Variants in RHOU observed in about 807,000 individuals in gnomAD.
RHOU encodes the protein ras homolog family member U, also known as rho-related GTP-binding protein RhoU.
In RHOU, 8 loss-of-function variants were observed where a neutral mutation model predicts 12.6. That is an observed-to-expected ratio of 0.64 (90% CI 0.37 to 1.15). The LOEUF is 1.15. Ranked by LOEUF, RHOU falls within the 50% of genes most tolerant of loss-of-function variation. The pLI is 0.01. For missense variants in RHOU, 258 were observed against 347.0 expected (o/e 0.74, Z 2.04); for synonymous variants, 161 against 147.4 (o/e 1.09, Z -0.67).
chr1:228,646,762 T>C, the RHOU span, among the ~76,000 whole-genome samples: 1 of 151,920 alleles, frequency 6.6e-6, no homozygotes, highest in African/African-American at 2.4e-5. Context: ...CCGTTCGTTC[T>C]CGTTCCGGAA....
rs1415254081 is a variant in RHOU, at chr1:228,743,860, T to C, written c.*120T>C. ...ATCGAGAGTGTGTGTATATGTATTATAGGAGGAGCTCTCAATTTTATGTAT... is the reference window on the plus strand; with the variant it reads ...ATCGAGAGTGTGTGTATATGTATTACAGGAGGAGCTCTCAATTTTATGTAT... On this transcript the variant is annotated 3_prime_UTR_variant, in exon 3 of 3. Transcript: ENST00000366691. This position sits in a 1 kb window ranked among gnomAD's most constrained non-coding sequence, Gnocchi z 5.1. 1.2e-6 allele frequency: 1 copy of C among 809,146 alleles called. No homozygotes were observed. Among genetic ancestry groups the C allele is most frequent in the Non-Finnish European group, 1.9e-6 (1 of 524,254 alleles). 50.1% of individuals were successfully genotyped at this position (809,146 alleles called of 1,614,324 possible).
the RHOU span, among the ~76,000 whole-genome samples, chr1:228,697,187 A>T: frequency 2.0e-5 from 3 of 152,366 alleles, no homozygotes; most frequent in East Asian, 5.8e-4. Context: ...TTCAAGAGAC[A>T]TGGCAACTGC....
the RHOU span, among the ~76,000 whole-genome samples, chr1:228,647,430 C>T: frequency 6.6e-6 from 1 of 152,140 alleles, no homozygotes; most frequent in Non-Finnish European, 1.5e-5. Flanking sequence ...ACACGAAGTG[C>T]GGGGCAATAG....
At chr1:228,718,825 A>G in the RHOU span, among the ~76,000 whole-genome samples, 4 of 152,158 alleles carry the variant, frequency 2.6e-5, no homozygotes, top group Admixed American at 2.6e-4. Flanking sequence ...TGAACTGGGA[A>G]TGTCCACTGC....
chr1:228,651,127 AC>A, the RHOU span: 11 of 214,376 alleles, frequency 5.1e-5, no homozygotes, highest in Admixed American at 1.5e-4. Context: ...GCATGATCTC[AC>A]CCAGCTTTGG....
chr1:228,703,546 A>G, the RHOU span, among the ~76,000 whole-genome samples: 1 of 150,834 alleles, frequency 6.6e-6, no homozygotes, highest in Admixed American at 6.6e-5. Flanking sequence ...AAAGTGTTTT[A>G]AGATAGCCAG....
At chr1:228,659,370 C>T in the RHOU span, among the ~76,000 whole-genome samples, 2 of 151,794 alleles carry the variant, frequency 1.3e-5, no homozygotes. Flanking sequence ...AAGAGTGAAA[C>T]TCCATCTCAA....
the RHOU span, among the ~76,000 whole-genome samples, chr1:228,714,897 C>A: frequency 6.6e-6 from 1 of 151,786 alleles, no homozygotes; most frequent in African/African-American, 2.4e-5. Flanking sequence ...GCACATGCCA[C>A]CACACCTGGC....
At chr1:228,725,501 G>A in the RHOU span, among the ~76,000 whole-genome samples, 2 of 152,126 alleles carry the variant, frequency 1.3e-5, no homozygotes, top group Admixed American at 1.3e-4. Context: ...GTGGCTCACA[G>A]AGCCCATTAG....
chr1:228,650,901 A>G, the RHOU span: 1 of 376,604 alleles, frequency 2.7e-6, no homozygotes, highest in African/African-American at 2.2e-5. Flanking sequence ...CCTACATACG[A>G]ATGGATCCTT....
chr1:228,736,038 G>A (rs749661010), intron 1 of RHOU, 34 bp downstream of exon 1: 2 of 1,561,122 alleles, frequency 1.3e-6, no homozygotes, highest in East Asian at 2.5e-5. Flanking sequence ...CCGGGGGCGC[G>A]TGGCCGCGGT....
At chr1:228,720,127 A>T in the RHOU span, among the ~76,000 whole-genome samples, 1 of 152,170 alleles carries the variant, frequency 6.6e-6, no homozygotes, top group South Asian at 2.1e-4. Context: ...CAGGAGTTTG[A>T]TACCAGCCTG....
chr1:228,720,472 T>G, the RHOU span, among the ~76,000 whole-genome samples: 1 of 152,206 alleles, frequency 6.6e-6, no homozygotes, highest in African/African-American at 2.4e-5. Context: ...ACAGTGTTTT[T>G]AAAGAGGCAG....
the RHOU span, among the ~76,000 whole-genome samples, chr1:228,709,470 C>T: frequency 6.6e-6 from 1 of 151,190 alleles, no homozygotes; most frequent in Non-Finnish European, 1.5e-5. Context: ...TCTCAGACCA[C>T]AGTGCAATCA....
chr1:228,668,579 G>A, the RHOU span, among the ~76,000 whole-genome samples: 13 of 152,358 alleles, frequency 8.5e-5, no homozygotes, highest in African/African-American at 3.1e-4. Context: ...GAAGTGTTCT[G>A]TGGGCAGAAA....
the RHOU span, among the ~76,000 whole-genome samples, chr1:228,681,400 G>A: frequency 0.01 from 1,575 of 152,180 alleles, 32 homozygotes; most frequent in African/African-American, 0.036. Flanking sequence ...GTCTGGGGAG[G>A]AGGTGAGGGG....
the RHOU span, among the ~76,000 whole-genome samples, chr1:228,723,690 G>A: frequency 1.8e-4 from 27 of 152,218 alleles, no homozygotes; most frequent in Non-Finnish European, 3.7e-4. Context: ...TGGAGCTGCC[G>A]TAAAAGAAAT....
chr1:228,675,419 A>G, the RHOU span, among the ~76,000 whole-genome samples: 2 of 152,180 alleles, frequency 1.3e-5, no homozygotes, highest in Admixed American at 6.5e-5. Flanking sequence ...AAATTTCCAC[A>G]CACAGACACA....
chr1:228,702,930 T>C, the RHOU span, among the ~76,000 whole-genome samples: 1 of 152,154 alleles, frequency 6.6e-6, no homozygotes, highest in African/African-American at 2.4e-5. Context: ...TAAGTAGTTG[T>C]TAGCTACTCC....
Sources: allele counts gnomAD v4.1 joint callset (sites outside exome capture counted in the v4.1 genomes callset), GRCh38; gene constraint gnomAD v4.1.1; non-coding constraint Gnocchi (gnomAD v3.1); transcripts MANE v1.5; gene names NCBI Gene and HGNC (gene_info 2026-07-23, HGNC 2026-07-21).